Variants in TTR observed in about 807,000 individuals in gnomAD.
The protein encoded by TTR is epididymis luminal protein 111.
Under a neutral mutation model 13.7 loss-of-function variants are expected in TTR, and 8 were observed. The ratio of observed to expected loss-of-function variants is 0.58; its 90% CI spans 0.34 to 1.05. The LOEUF (loss-of-function observed/expected upper bound fraction) is 1.05. TTR is among the 50% of genes least tolerant of loss of function. TTR has a pLI of 0.02. For missense variants in TTR, 135 were observed against 185.5 expected (o/e 0.73, Z 1.58); for synonymous variants, 75 against 71.7 (o/e 1.05, Z -0.23).
In TTR at chr18:31,598,592, G is replaced by C. The variant is rs755337715; in HGVS notation, c.361G>C (p.Gly121Arg). 9 of 1,613,860 alleles carry C rather than the reference G, an allele frequency of 5.6e-6. No individual in the cohort carries two copies. The highest frequency in any genetic ancestry group is 7.6e-6 in the Non-Finnish European group (9 of 1,180,004). ...GGTGGTATTCACAGCCAACGACTCCGGCCCCCGCCGCTACACCATTGCCGC... is the reference window on the plus strand; with the variant it reads ...GGTGGTATTCACAGCCAACGACTCCCGCCCCCGCCGCTACACCATTGCCGC... ...AEVVFTANDSGPRRYTIAALL... is the reference protein window; with the variant it reads ...AEVVFTANDSRPRRYTIAALL... The change falls in exon 4 of 4, where the codon GGC (glycine) becomes CGC (arginine). Residue 121 changes from glycine to arginine, a missense_variant. Gly to Arg is a moderately radical substitution (Grantham distance 125). Transcript: ENST00000237014.
At position 31,598,338 on chromosome 18, in the gene TTR, A is replaced by C; in HGVS notation, c.337-230A>C. The C allele has an allele frequency of 1.2e-5, 8 of 649,178 alleles. No homozygotes were observed. The South Asian group carries it at 1.3e-4, about 10-fold the overall frequency. The allele number at this position is 649,178 out of a possible 1,614,324, so 40.2% of individuals were successfully genotyped here. On this transcript the variant is annotated intron_variant, in intron 3 of 3. Coordinates refer to ENST00000237014, the MANE Select transcript of TTR (RefSeq NM_000371.4). ...AGGGTCATCCTGACTTTCGGCGTGA[A>C]TTTGCAAAACAAGACCTGACTCTGT...
intron 3 of TTR, among the ~76,000 whole-genome samples, chr18:31,597,785 T>C (rs1243521220): frequency 6.6e-6 from 1 of 152,184 alleles, no homozygotes; most frequent in Admixed American, 6.5e-5. Flanking sequence ...GTCGCAGATA[T>C]TCTACTGATT....
rs749413756 is a variant in TTR, at chr18:31,595,269, C to T, written c.336+14C>T. On this transcript the variant is annotated intron_variant, in intron 3 of 3. Transcript: ENST00000237014. ...GAGCATGCAGAGGTGAGTATACAGA[C>T]CTTCGAGGGTTGTTTTGGTTTTGGT... is the stretch of plus-strand genomic sequence containing the variant. 18 of 1,613,968 alleles carry T rather than the reference C, an allele frequency of 1.1e-5. No homozygotes were observed. The South Asian group carries it at 2.0e-4, about 18-fold the overall frequency.
At chr18:31,593,240 G>A in intron 2 of TTR, 1 of 557,312 alleles carries the variant, frequency 1.8e-6, no homozygotes, top group Non-Finnish European at 3.1e-6. Context: ...GGGGCAGACA[G>A]TAGAGAAAAG....
chr18:31,595,721 A>G, intron 3 of TTR: 1 of 347,272 alleles, frequency 2.9e-6, no homozygotes, highest in Non-Finnish European at 5.6e-6. Flanking sequence ...AATCAAAGTA[A>G]TAATGGCAAC....
chr18:31,597,675 A>T (rs984842506), intron 3 of TTR, among the ~76,000 whole-genome samples: 2 of 152,212 alleles, frequency 1.3e-5, no homozygotes, highest in African/African-American at 4.8e-5. Flanking sequence ...ATACAAAATA[A>T]ATCAAATTAA....
chr18:31,597,512 A>C (rs2073523040), intron 3 of TTR, among the ~76,000 whole-genome samples: 1 of 152,158 alleles, frequency 6.6e-6, no homozygotes, highest in African/African-American at 2.4e-5. Context: ...GGTGATTCTC[A>C]CTTCCTCTTG....
At chr18:31,593,083 C>T in intron 2 of TTR, 57 bp downstream of exon 2, 2 of 1,609,602 alleles carry the variant, frequency 1.2e-6, no homozygotes, top group East Asian at 2.2e-5. Flanking sequence ...GTTTGCCCCT[C>T]ACTTGGTAGA....
chr18:31,593,824 A>C (rs2073500322), intron 2 of TTR, among the ~76,000 whole-genome samples: 2 of 152,184 alleles, frequency 1.3e-5, no homozygotes, highest in Admixed American at 1.3e-4. Flanking sequence ...AATCTAAGCA[A>C]AGTGACCAGA....
At chr18:31,597,652 AC>A (rs2073523584) in intron 3 of TTR, among the ~76,000 whole-genome samples, 1 of 152,152 alleles carries the variant, frequency 6.6e-6, no homozygotes, top group Non-Finnish European at 1.5e-5. Context: ...CCAAACCTCA[AC>A]CCAAGGCCTG....
intron 2 of TTR, 125 bp downstream of exon 2, chr18:31,593,151 G>T: frequency 7.0e-7 from 1 of 1,420,434 alleles, no homozygotes. Flanking sequence ...CGTAGGCAGA[G>T]GTCAAGTATG....
intron 2 of TTR, among the ~76,000 whole-genome samples, chr18:31,594,051 T>G (rs17740912): frequency 0.012 from 1,759 of 152,098 alleles, 85 homozygotes; most frequent in East Asian, 0.073. Flanking sequence ...AAGCATAACA[T>G]GAAAAGTGGT....
intron 3 of TTR, among the ~76,000 whole-genome samples, chr18:31,597,474 G>T (rs2073522900): frequency 6.6e-6 from 1 of 152,136 alleles, no homozygotes; most frequent in Non-Finnish European, 1.5e-5. Context: ...GGCCTTAAGG[G>T]GAGCCCTTTC....
intron 3 of TTR, among the ~76,000 whole-genome samples, chr18:31,598,269 T>C (rs2073526526): frequency 6.6e-6 from 1 of 152,120 alleles, no homozygotes; most frequent in Non-Finnish European, 1.5e-5. Context: ...ACCAATAAAA[T>C]AGATACAGCC....
intron 2 of TTR, among the ~76,000 whole-genome samples, chr18:31,593,714 T>A (rs1357445165): frequency 1.3e-5 from 2 of 152,148 alleles, no homozygotes; most frequent in African/African-American, 4.8e-5. Flanking sequence ...CCCGACTTCA[T>A]GTCCAAGAGT....
At chr18:31,594,777 T>C (rs1412514471) in intron 2 of TTR, among the ~76,000 whole-genome samples, 3 of 151,830 alleles carry the variant, frequency 2.0e-5, no homozygotes, top group African/African-American at 7.3e-5. Flanking sequence ...GGCTGGAGAA[T>C]CCCTTGAATC....
chr18:31,593,678 A>G (rs1225569775), intron 2 of TTR: 1 of 152,592 alleles, frequency 6.6e-6, no homozygotes, highest in Non-Finnish European at 1.5e-5. Flanking sequence ...GAGGCAAAGT[A>G]CAGCCCCAGG....
intron 2 of TTR, among the ~76,000 whole-genome samples, chr18:31,594,057 G>C (rs1043438555): frequency 1.3e-5 from 2 of 152,062 alleles, no homozygotes; most frequent in Admixed American, 6.5e-5. Context: ...AACATGAAAA[G>C]TGGTTACAGG....
intron 3 of TTR, chr18:31,598,035 C>G (rs974682056): frequency 9.7e-6 from 2 of 205,416 alleles, no homozygotes; most frequent in Admixed American, 1.0e-4. Context: ...GTGGGGGAAT[C>G]TCTGGGCTTG....
Sources: allele counts gnomAD v4.1 joint callset (sites outside exome capture counted in the v4.1 genomes callset), GRCh38; gene constraint gnomAD v4.1.1; transcripts MANE v1.5; gene names NCBI Gene and HGNC (gene_info 2026-07-23, HGNC 2026-07-21).